The following TMEM132B variants were observed in gnomAD, a reference collection of about 807,000 sequenced individuals.
TMEM132B encodes transmembrane protein 132B.
In TMEM132B, 18 loss-of-function variants were observed where a neutral mutation model predicts 90.8. The observed-to-expected ratio is 0.20, with a 90% CI of 0.14 to 0.29. The LOEUF (loss-of-function observed/expected upper bound fraction) is 0.29, where lower values mean the gene tolerates loss of function less well. TMEM132B is among the 10% of genes least tolerant of loss of function. TMEM132B has a pLI of 1.00. For synonymous variants in TMEM132B, 504 were observed against 523.3 expected, an observed-to-expected ratio of 0.96 and a Z score of 0.50; for missense variants, 1,096 against 1,326.8, an observed-to-expected ratio of 0.83 and a Z score of 2.70.
chr12:125,434,986 G>A (rs1404715115), intron 3 of TMEM132B, among the ~76,000 whole-genome samples: 1 of 152,168 alleles, frequency 6.6e-6, no homozygotes, highest in African/African-American at 2.4e-5. Flanking sequence ...CTTACTAAGC[G>A]TTTGGGGAAA....
rs892225514 is a variant in TMEM132B, at chr12:125,459,954, G to A, written c.1106+44277G>A. ...TCTCTTGCCTGCTGCCATGTAAGAC[G>A]TGCCTTTCACCTTCCACCATGATTG... On this transcript the variant is annotated intron_variant, in intron 3 of 8. Transcript: ENST00000682704. This position sits in a 1 kb window ranked among gnomAD's most constrained non-coding sequence, Gnocchi z 4.1. 1.3e-5 allele frequency among the ~76,000 whole-genome samples: 2 copies of A among 152,110 alleles called. No individual in the cohort carries two copies. The highest frequency in any genetic ancestry group is 1.9e-4 in the East Asian group (1 of 5,188).
chr12:125,245,550 G>T (rs534800681), intron 1 of TMEM132B, among the ~76,000 whole-genome samples: 1 of 152,214 alleles, frequency 6.6e-6, no homozygotes, highest in Non-Finnish European at 1.5e-5. Flanking sequence ...GATGGGGCCT[G>T]TGCAGTTCTG....
intron 2 of TMEM132B, among the ~76,000 whole-genome samples, chr12:125,375,605 A>AGTG (rs1296203169): frequency 6.6e-6 from 1 of 152,174 alleles, no homozygotes; most frequent in Non-Finnish European, 1.5e-5. Flanking sequence ...TGGGCGAGCA[A>AGTG]GTGGCTTATT....
At chr12:125,350,622 G>C (rs7310022) in intron 2 of TMEM132B, among the ~76,000 whole-genome samples, 1 of 152,264 alleles carries the variant, frequency 6.6e-6, no homozygotes. Context: ...TAGTACAAAG[G>C]GTTGGGCAGT....
intron 1 of TMEM132B, among the ~76,000 whole-genome samples, chr12:125,239,991 A>T (rs1031103905): frequency 6.6e-6 from 1 of 152,152 alleles, no homozygotes; most frequent in African/African-American, 2.4e-5. Context: ...AGCTGTGGTG[A>T]CAACATCCCA....
chr12:125,285,862 G>A (rs1875339436), intron 1 of TMEM132B, among the ~76,000 whole-genome samples: 2 of 152,244 alleles, frequency 1.3e-5, no homozygotes, highest in Admixed American at 1.3e-4. Flanking sequence ...GAGAACCTGG[G>A]GTGGTGGGGG....
At chr12:125,618,248 G>T (rs1443999747) in intron 5 of TMEM132B, among the ~76,000 whole-genome samples, 3 of 152,194 alleles carry the variant, frequency 2.0e-5, no homozygotes, top group East Asian at 3.8e-4. Context: ...TGACGTGAGG[G>T]TTATTCGGCC....
intron 2 of TMEM132B, among the ~76,000 whole-genome samples, chr12:125,404,753 C>T (rs1032704903): frequency 4.6e-5 from 7 of 152,174 alleles, no homozygotes; most frequent in Non-Finnish European, 7.3e-5. Flanking sequence ...GAGTCTTGCT[C>T]CTAATCCTTC....
intron 5 of TMEM132B, among the ~76,000 whole-genome samples, chr12:125,591,020 C>CGTGT (rs148593950): frequency 6.6e-6 from 1 of 150,646 alleles, no homozygotes; most frequent in Non-Finnish European, 1.5e-5. Flanking sequence ...TGCACGCCCG[C>CGTGT]GTGTGTGTGT....
chr12:125,593,063 A>T (rs1885355356), intron 5 of TMEM132B, among the ~76,000 whole-genome samples: 1 of 152,206 alleles, frequency 6.6e-6, no homozygotes, highest in South Asian at 2.1e-4. Context: ...ATGTAAAAAC[A>T]CCATTATTCT....
At chr12:125,616,510 G>A (rs950753085) in intron 5 of TMEM132B, among the ~76,000 whole-genome samples, 1 of 152,168 alleles carries the variant, frequency 6.6e-6, no homozygotes. Flanking sequence ...TTATTTCCTC[G>A]ATCTGCACAA....
chr12:125,322,153 G>C (rs1720761885), intron 1 of TMEM132B, among the ~76,000 whole-genome samples: 1 of 152,222 alleles, frequency 6.6e-6, no homozygotes, highest in Non-Finnish European at 1.5e-5. Context: ...GGGACCCGGT[G>C]AGAGGTAATT....
chr12:125,640,935 C>T (rs1421230704), intron 5 of TMEM132B, among the ~76,000 whole-genome samples: 35 of 122,060 alleles, frequency 2.9e-4, no homozygotes, highest in Admixed American at 2.8e-3. Context: ...AATAGACACA[C>T]ACACACACAC....
At chr12:125,566,832 CTTCTTTTTTT>C (rs1395444619) in intron 4 of TMEM132B, among the ~76,000 whole-genome samples, 7 of 114,620 alleles carry the variant, frequency 6.1e-5, no homozygotes, top group Non-Finnish European at 1.0e-4. Context: ...TCCTCTTCTT[CTTCTTTTTTT>C]TTTTTTTTTT....
intron 5 of TMEM132B, among the ~76,000 whole-genome samples, chr12:125,624,589 T>C (rs192224959): frequency 2.0e-5 from 3 of 152,314 alleles, no homozygotes; most frequent in East Asian, 3.9e-4. Flanking sequence ...GAGCTCACTG[T>C]GATAATTATT....
intron 6 of TMEM132B, among the ~76,000 whole-genome samples, chr12:125,648,643 AG>A (rs1886830209): frequency 6.6e-6 from 1 of 152,086 alleles, no homozygotes; most frequent in African/African-American, 2.4e-5. Context: ...CTAAAATAAC[AG>A]GATTATTTTG....
intron 1 of TMEM132B, among the ~76,000 whole-genome samples, chr12:125,237,660 G>A (rs994501942): frequency 2.0e-5 from 3 of 152,114 alleles, no homozygotes; most frequent in Non-Finnish European, 4.4e-5. Context: ...TGTTGGCTAG[G>A]CTTGTCTCGA....
At chr12:125,428,436 C>A (rs1184396335) in intron 3 of TMEM132B, among the ~76,000 whole-genome samples, 1 of 151,798 alleles carries the variant, frequency 6.6e-6, no homozygotes, top group Non-Finnish European at 1.5e-5. Flanking sequence ...CTATTTATTG[C>A]CATTATGTCA....
intron 5 of TMEM132B, among the ~76,000 whole-genome samples, chr12:125,628,988 A>C (rs1161627446): frequency 6.6e-6 from 1 of 151,964 alleles, no homozygotes; most frequent in Non-Finnish European, 1.5e-5. Flanking sequence ...TGGGTCCTCT[A>C]TTCTGTTCCA....
Sources: allele counts gnomAD v4.1 joint callset (sites outside exome capture counted in the v4.1 genomes callset), GRCh38; gene constraint gnomAD v4.1.1; non-coding constraint Gnocchi (gnomAD v3.1); transcripts MANE v1.5; gene names NCBI Gene and HGNC (gene_info 2026-07-23, HGNC 2026-07-21).